The following CPQ variants were observed in gnomAD, a reference collection of about 807,000 sequenced individuals.
CPQ encodes the protein carboxypeptidase Q, also known as Ser-Met dipeptidase.
In CPQ, 37 loss-of-function variants were observed where a neutral mutation model predicts 45.7. The observed-to-expected ratio is 0.81, with a 90% confidence interval of 0.62 to 1.07. CPQ has a LOEUF of 1.07. CPQ is among the 50% of genes least tolerant of loss of function. The pLI is 0.00. For missense variants in CPQ, 537 were observed against 572.9 expected (o/e 0.94, Z 0.64); for synonymous variants, 186 against 205.8 (o/e 0.90, Z 0.82).
intron 2 of CPQ, among the ~76,000 whole-genome samples, chr8:96,829,890 A>G (rs1207749055): frequency 6.6e-6 from 1 of 152,140 alleles, no homozygotes; most frequent in Non-Finnish European, 1.5e-5. Context: ...CACATTGCCC[A>G]GCGTGAAATT....
chr8:97,122,956 TAAA>T lies in CPQ; in HGVS notation c.1256-20062_1256-20060del, dbSNP rs1193172924. On this transcript the variant is annotated intron_variant, in intron 7 of 7. Coordinates refer to ENST00000220763, the MANE Select transcript of CPQ (RefSeq NM_016134.4). ...TAAAATAAAATAAAATAAAATAAAA[TAAA>T]ATAAAATAAAATAAAATAAAATTAA... Among the ~76,000 whole-genome samples, 28 of 57,720 alleles carry T rather than the reference TAAA, an allele frequency of 4.9e-4. 4 individuals carry two copies. The highest frequency in any genetic ancestry group is 2.5e-3 in the African/African-American group (23 of 9,342). 37.9% of individuals were successfully genotyped at this position (57,720 alleles called of 152,430 possible).
intron 6 of CPQ, among the ~76,000 whole-genome samples, chr8:97,034,996 G>A (rs867163171): frequency 1.3e-5 from 2 of 151,454 alleles, no homozygotes; most frequent in Non-Finnish European, 2.9e-5. Flanking sequence ...GGGTTCAAGC[G>A]ATTCTTCTGC....
intron 7 of CPQ, among the ~76,000 whole-genome samples, chr8:97,124,843 G>A (rs1206105216): frequency 6.6e-6 from 1 of 152,048 alleles, no homozygotes; most frequent in Non-Finnish European, 1.5e-5. Flanking sequence ...TAAAATCAGT[G>A]ATCTAGCTTC....
chr8:96,739,974 A>G (rs1810058790), intron 1 of CPQ, among the ~76,000 whole-genome samples: 3 of 152,126 alleles, frequency 2.0e-5, no homozygotes, highest in Admixed American at 6.5e-5. Flanking sequence ...TGAACTTTAA[A>G]GTAGTTTTTT....
At chr8:96,693,243 A>G (rs1809327315) in intron 1 of CPQ, among the ~76,000 whole-genome samples, 1 of 151,408 alleles carries the variant, frequency 6.6e-6, no homozygotes, top group South Asian at 2.1e-4. Context: ...CTTAGAAAGG[A>G]GGAAGGGTAG....
chr8:97,096,250 G>C (rs1275744475), intron 7 of CPQ, among the ~76,000 whole-genome samples: 1 of 152,132 alleles, frequency 6.6e-6, no homozygotes, highest in Non-Finnish European at 1.5e-5. Flanking sequence ...CAGGATTTAA[G>C]CACATAGAGT....
At chr8:96,685,218 A>T (rs1809210461) in intron 1 of CPQ, among the ~76,000 whole-genome samples, 1 of 152,142 alleles carries the variant, frequency 6.6e-6, no homozygotes, top group Non-Finnish European at 1.5e-5. Flanking sequence ...ATTTTTTGTT[A>T]TGAAATACTT....
intron 6 of CPQ, among the ~76,000 whole-genome samples, chr8:97,035,544 T>G (rs1350143619): frequency 1.3e-5 from 2 of 152,162 alleles, no homozygotes; most frequent in Non-Finnish European, 2.9e-5. Context: ...AGCCTTTTTA[T>G]TTTTAGCCAT....
chr8:97,083,504 G>T (rs772107487), intron 7 of CPQ, among the ~76,000 whole-genome samples: 8 of 152,150 alleles, frequency 5.3e-5, no homozygotes, highest in African/African-American at 1.2e-4. Context: ...AAAGCAGCCT[G>T]ACTCATTTCA....
At chr8:96,815,660 G>A (rs1286034364) in intron 2 of CPQ, among the ~76,000 whole-genome samples, 1 of 152,082 alleles carries the variant, frequency 6.6e-6, no homozygotes, top group Admixed American at 6.6e-5. Flanking sequence ...AGCTAATTAT[G>A]TATTTACATT....
chr8:96,820,400 T>C (rs1311703998), intron 2 of CPQ, among the ~76,000 whole-genome samples: 1 of 152,078 alleles, frequency 6.6e-6, no homozygotes, highest in Non-Finnish European at 1.5e-5. Flanking sequence ...TTACCATCTT[T>C]ATCTTTTTTA....
intron 4 of CPQ, among the ~76,000 whole-genome samples, chr8:96,960,128 CCTTT>C (rs1485427890): frequency 6.6e-6 from 1 of 151,870 alleles, no homozygotes; most frequent in Non-Finnish European, 1.5e-5. Context: ...CAAAAGTGGC[CCTTT>C]CTTAGTATAT....
intron 1 of CPQ, among the ~76,000 whole-genome samples, chr8:96,737,463 C>G (rs1309805886): frequency 6.6e-6 from 1 of 151,548 alleles, no homozygotes; most frequent in Non-Finnish European, 1.5e-5. Context: ...AGTCCCAAAA[C>G]TGAAGAACTT....
intron 5 of CPQ, among the ~76,000 whole-genome samples, chr8:97,003,269 T>C (rs1809316140): frequency 6.6e-6 from 1 of 152,118 alleles, no homozygotes; most frequent in Non-Finnish European, 1.5e-5. Flanking sequence ...TTAAGGTTAG[T>C]ATTTATATCT....
In CPQ at chr8:96,835,008, G is replaced by A. The variant is rs753894672; in HGVS notation, c.469G>A (p.Asp157Asn). ...TAEVLVVTSFDELQRRASEAR... is the reference protein window; with the variant it reads ...TAEVLVVTSFNELQRRASEAR... Reference sequence around the variant, plus strand: ...AGAAGTTCTGGTGGTGACCTCTTTCGATGAACTGCAGAGAAGGGCCTCAGA... The same window carrying A: ...AGAAGTTCTGGTGGTGACCTCTTTCAATGAACTGCAGAGAAGGGCCTCAGA... Residue 157 changes from aspartate (D) to asparagine (N), a missense_variant, in exon 3 of 8, where the codon GAT becomes AAT. Coordinates refer to ENST00000220763, the MANE Select transcript of CPQ (RefSeq NM_016134.4). 3.5e-5 allele frequency: 57 copies of A among 1,613,286 alleles called. No homozygotes were observed. Among genetic ancestry groups the A allele is most frequent in the Non-Finnish European group, 4.4e-5 (52 of 1,179,712 alleles).
At chr8:97,127,961 C>T (rs1043705454) in intron 7 of CPQ, among the ~76,000 whole-genome samples, 1 of 152,134 alleles carries the variant, frequency 6.6e-6, no homozygotes, top group Non-Finnish European at 1.5e-5. Flanking sequence ...TGAAAAGGAC[C>T]ATGAGTGAAT....
rs189763585 is a variant in CPQ, at chr8:97,117,844, C to A, written c.1256-25176C>A. On this transcript the variant is annotated intron_variant, in intron 7 of 7. Coordinates refer to ENST00000220763, the MANE Select transcript of CPQ (RefSeq NM_016134.4). ...TCCCAAAGTGCCAGGATTACAGGCA[C>A]GAGCCACAGTGCCCAGCCCATTCTG... Among the ~76,000 whole-genome samples, 6 of 152,228 alleles carry A rather than the reference C, an allele frequency of 3.9e-5. No individual in the cohort carries two copies. In the East Asian group the frequency reaches 1.2e-3, roughly 29 times the overall value.
chr8:96,911,153 G>C (rs1373025255), intron 4 of CPQ, among the ~76,000 whole-genome samples: 1 of 152,042 alleles, frequency 6.6e-6, no homozygotes, highest in Non-Finnish European at 1.5e-5. Context: ...GGTTCCCCTG[G>C]GTAAGTAAAG....
intron 2 of CPQ, among the ~76,000 whole-genome samples, chr8:96,827,211 T>C (rs1303801901): frequency 1.3e-5 from 2 of 152,044 alleles, no homozygotes; most frequent in Non-Finnish European, 2.9e-5. Context: ...ACATATGTCA[T>C]AGGTCTGTTT....
Sources: gnomAD v4.1 joint callset for allele counts (sites outside exome capture counted in the v4.1 genomes callset) on GRCh38, gnomAD v4.1.1 for gene constraint, MANE v1.5 for transcripts, NCBI Gene and HGNC (gene_info 2026-07-23, HGNC 2026-07-21) for gene names.